The following CROCC2 variants were observed in gnomAD, a reference collection of about 807,000 sequenced individuals.
CROCC2 encodes the protein ciliary rootlet coiled-coil protein 2.
CROCC2 carries 163 observed loss-of-function variants against 177.6 expected under a neutral mutation model. The ratio of observed to expected loss-of-function variants is 0.92; its 90% CI spans 0.81 to 1.05. The LOEUF is 1.05. CROCC2 is among the 50% of genes least tolerant of loss of function. The pLI, the probability that CROCC2 is intolerant of heterozygous loss-of-function variation, is 0.00. For synonymous variants in CROCC2, 904 were observed against 787.3 expected, an observed-to-expected ratio of 1.15 and a Z score of -2.48; for missense variants, 1,929 against 1,797.8, an observed-to-expected ratio of 1.07 and a Z score of -1.32.
At chr2:240,970,388 A>G (rs772714762) in intron 27 of CROCC2, among the ~76,000 whole-genome samples, 31 of 152,200 alleles carry the variant, frequency 2.0e-4, no homozygotes, top group Non-Finnish European at 4.1e-4. Context: ...AATTTGTCCC[A>G]TGTAGAAGTT....
intron 19 of CROCC2, chr2:240,957,880 C>G: frequency 1.4e-6 from 1 of 699,852 alleles, no homozygotes; most frequent in Non-Finnish European, 1.8e-6. Context: ...GGCCCAGCAG[C>G]TCTCTTGGCT....
chr2:240,916,518 C>A (rs1223144377), intron 1 of CROCC2, among the ~76,000 whole-genome samples: 2 of 134,598 alleles, frequency 1.5e-5, no homozygotes, highest in African/African-American at 5.4e-5. Flanking sequence ...CCCCCCGTGT[C>A]CCCCTGAACG....
rs768469567 is a variant in CROCC2, at chr2:240,930,960, C to T, written c.779C>T (p.Ala260Val). ...RGLADLQADT[A>V]RTARRLHTAC... ...CTCGCTGACCTGCAGGCAGACACGG[C>T]CAGGACAGCCCGCCGCCTGCACACC... Residue 260 changes from alanine (A) to valine (V), a missense_variant, in exon 7 of 32, where the codon GCC becomes GTC. Ala to Val is a moderately conservative substitution (Grantham distance 64). This residue lies in a region of CROCC2 where 1,397 missense variants were observed against 1,239.9 expected (regional missense o/e 1.13). Transcript: ENST00000690015. 43 of 714,588 alleles carry T rather than the reference C, an allele frequency of 6.0e-5. No individual in the cohort carries two copies. Among genetic ancestry groups the T allele is most frequent in the Admixed American group, 1.2e-4 (6 of 49,928 alleles). The allele number at this position is 714,588 out of a possible 1,614,324, so 44.3% of individuals were successfully genotyped here. A position where few individuals can be genotyped will look rare whatever the true frequency, so the allele number is the denominator to read the frequency against.
chr2:240,910,793 G>GA (rs1452109848), intron 1 of CROCC2, among the ~76,000 whole-genome samples: 13 of 152,128 alleles, frequency 8.5e-5, no homozygotes, highest in Admixed American at 8.5e-4. Flanking sequence ...CTCACTTCTG[G>GA]AAATATGTGC....
chr2:240,967,582 G>C, intron 26 of CROCC2, 117 bp downstream of exon 26: 1 of 1,492,656 alleles, frequency 6.7e-7, no homozygotes, highest in Non-Finnish European at 9.0e-7. Context: ...GGTGGGAAGG[G>C]AGCCTGGGGG....
At position 240,934,470 on chromosome 2, in the gene CROCC2, G is replaced by C; in HGVS notation, c.1786G>C (p.Ala596Pro). 1 of 1,547,864 alleles carries C rather than the reference G, an allele frequency of 6.5e-7. No homozygotes were observed. Among genetic ancestry groups the C allele is most frequent in the South Asian group, 1.2e-5 (1 of 83,936 alleles). ...SEREGLRSAL[A>P]RAECSNADLE... The stretch of plus-strand genomic sequence containing the variant: ...GAGGGAGGGACTGCGCAGCGCCCTG[G>C]CGCGGGTACACTCTGCTCCCCACAA... Residue 596 changes from alanine (A) to proline (P), a missense_variant, in exon 12 of 32, where the codon GCG (alanine) becomes CCG (proline). By Grantham distance (27) the Ala-to-Pro change is conservative (BLOSUM62 -1). Coordinates refer to ENST00000690015, the MANE Select transcript of CROCC2 (RefSeq NM_001351305.2).
At chr2:240,957,200 A>T (rs1247073919) in intron 19 of CROCC2, among the ~76,000 whole-genome samples, 2 of 152,064 alleles carry the variant, frequency 1.3e-5, no homozygotes, top group Non-Finnish European at 2.9e-5. Flanking sequence ...CTGGCCACAC[A>T]CACCCCATTA....
At chr2:240,988,989 C>A in intron 29 of CROCC2, 119 bp downstream of exon 29, 2 of 1,092,918 alleles carry the variant, frequency 1.8e-6, no homozygotes, top group Non-Finnish European at 2.4e-6. Flanking sequence ...CACGTGCACA[C>A]ATGGGGAGGG....
intron 14 of CROCC2, 21 bp downstream of exon 14, chr2:240,935,609 T>C: frequency 2.9e-6 from 4 of 1,381,660 alleles, no homozygotes; most frequent in Non-Finnish European, 3.7e-6. Flanking sequence ...CTGCAGGGCA[T>C]GCTGCCGCCG....
chr2:240,934,806 G>A (rs2106462615), intron 12 of CROCC2, 110 bp from the exon 13 acceptor site: 1 of 1,233,724 alleles, frequency 8.1e-7, no homozygotes, highest in Non-Finnish European at 1.1e-6. Context: ...GTCCGCCCAA[G>A]AGCTCTGGCT....
intron 21 of CROCC2, chr2:240,963,987 A>T (rs1177277385): frequency 1.3e-5 from 8 of 603,788 alleles, no homozygotes; most frequent in Admixed American, 2.9e-5. Context: ...ACATGGACAC[A>T]CCTGTCCCTG....
intron 28 of CROCC2, among the ~76,000 whole-genome samples, chr2:240,984,585 C>A (rs111630163): frequency 2.7e-5 from 2 of 74,056 alleles, no homozygotes; most frequent in African/African-American, 6.7e-5. Context: ...CCACACACAC[C>A]CAGGCACTCA....
intron 18 of CROCC2, among the ~76,000 whole-genome samples, chr2:240,951,920 A>G (rs992323223): frequency 3.9e-5 from 6 of 152,346 alleles, no homozygotes; most frequent in South Asian, 2.1e-4. Context: ...CACTAGCCCT[A>G]TAAAAGCTAC....
chr2:240,917,155 AC>A lies in CROCC2; in HGVS notation c.79-1570del, dbSNP rs2059326200. Among the ~76,000 whole-genome samples the A allele has an allele frequency of 1.3e-5, 2 of 151,966 alleles. No homozygotes were observed. On this transcript the variant is annotated intron_variant, in intron 1 of 31. Coordinates refer to ENST00000690015, the MANE Select transcript of CROCC2 (RefSeq NM_001351305.2). The surrounding 1 kb of genome is among the most constrained non-coding windows in gnomAD (Gnocchi z 4.9). The stretch of plus-strand genomic sequence containing the variant: ...CCCTGGTGCACGGGCTGTCGGGAGG[AC>A]GGGCGGGCTGGCCCCAGACCTCAGC...
intron 30 of CROCC2, among the ~76,000 whole-genome samples, chr2:240,990,037 G>A (rs1004784657): frequency 6.6e-6 from 1 of 152,222 alleles, no homozygotes; most frequent in Admixed American, 6.5e-5. Context: ...CCACTGGGAG[G>A]TGAAGTGTGG....
At chr2:240,962,830 G>A (rs775121544) in intron 20 of CROCC2, among the ~76,000 whole-genome samples, 6 of 152,192 alleles carry the variant, frequency 3.9e-5, no homozygotes, top group Non-Finnish European at 7.3e-5. Flanking sequence ...CCCCCAGAGC[G>A]TAGGTGCTGG....
intron 14 of CROCC2, among the ~76,000 whole-genome samples, chr2:240,936,490 A>C (rs2059471524): frequency 6.6e-6 from 1 of 152,130 alleles, no homozygotes; most frequent in Admixed American, 6.5e-5. Flanking sequence ...TGTCTTGGAG[A>C]TCCATACATG....
chr2:240,975,824 G>A (rs2059758366), intron 27 of CROCC2, among the ~76,000 whole-genome samples: 1 of 147,300 alleles, frequency 6.8e-6, no homozygotes, highest in Non-Finnish European at 1.5e-5. Context: ...CTGCCTCCCA[G>A]GTTCAAGTGA....
rs1559601444 is a variant in CROCC2 at position 240,950,330 on chromosome 2, C to T, written c.2653-4C>T. 5 of 1,548,892 alleles carry T rather than the reference C, an allele frequency of 3.2e-6. No homozygotes were observed. Among genetic ancestry groups the T allele is most frequent in the Non-Finnish European group, 4.4e-6 (5 of 1,146,352 alleles). ...TCACAGCCCATCCCTTTACCTTGGC[C>T]CAGGAGACCCTGAGCCTGACCCTGG... On this transcript the variant is annotated splice_polypyrimidine_tract_variant and splice_region_variant and intron_variant, in intron 17 of 31. Transcript: ENST00000690015.
Sources: allele counts gnomAD v4.1 joint callset (sites outside exome capture counted in the v4.1 genomes callset), GRCh38; gene constraint gnomAD v4.1.1; regional missense constraint gnomAD v4.1.1; non-coding constraint Gnocchi (gnomAD v3.1); transcripts MANE v1.5; gene names NCBI Gene and HGNC (gene_info 2026-07-23, HGNC 2026-07-21).